The following NOTCH3 variants were observed in gnomAD, a reference collection of about 807,000 sequenced individuals.
The protein encoded by NOTCH3 is neurogenic locus notch homolog protein 3.
Under a neutral mutation model 213.3 loss-of-function variants are expected in NOTCH3, and 86 were observed. That is an observed-to-expected ratio of 0.40 (90% confidence interval 0.34 to 0.48). The LOEUF (loss-of-function observed/expected upper bound fraction) is 0.48, where lower values mean the gene tolerates loss of function less well. Ranked by LOEUF, NOTCH3 falls within the 20% of genes least tolerant of loss-of-function variation. The pLI, the probability that NOTCH3 is intolerant of heterozygous loss-of-function variation, is 0.57. For missense variants in NOTCH3, 2,783 were observed against 3,272.6 expected (o/e 0.85, Z 3.65); for synonymous variants, 1,354 against 1,355.9 (o/e 1.00, Z 0.03).
chr19:15,173,804 G>A (rs1004480592), intron 25 of NOTCH3, among the ~76,000 whole-genome samples: 32 of 146,868 alleles, frequency 2.2e-4, no homozygotes, highest in East Asian at 8.0e-4. Flanking sequence ...AGAAGAAGAA[G>A]AAAAAAACCC....
intron 25 of NOTCH3, among the ~76,000 whole-genome samples, chr19:15,171,756 C>T (rs1038263105): frequency 2.6e-5 from 4 of 152,188 alleles, no homozygotes; most frequent in East Asian, 3.9e-4. Context: ...CTGCAACCTC[C>T]GACTCCCTGG....
At chr19:15,199,724 G>A (rs1306064519) in intron 1 of NOTCH3, among the ~76,000 whole-genome samples, 1 of 152,190 alleles carries the variant, frequency 6.6e-6, no homozygotes, top group Non-Finnish European at 1.5e-5. Flanking sequence ...CTGGTCCGGC[G>A]GAGGCGGCGG....
intron 28 of NOTCH3, among the ~76,000 whole-genome samples, chr19:15,169,461 C>T (rs1301771216): frequency 6.6e-6 from 1 of 151,184 alleles, no homozygotes; most frequent in Non-Finnish European, 1.5e-5. Context: ...GTCTGGAGTG[C>T]CAGGTTCAAG....
intron 15 of NOTCH3, 125 bp from the exon 16 acceptor site, chr19:15,184,575 C>T (rs2145428147): frequency 4.4e-6 from 4 of 902,824 alleles, no homozygotes; most frequent in Non-Finnish European, 5.2e-6. Context: ...TGCTGTCATT[C>T]GTGTCTGGGC....
chr19:15,189,258 T>C lies in NOTCH3; in HGVS notation c.1192+15A>G, dbSNP rs10423702. 0.87 allele frequency: 1,408,350 copies of C among 1,613,816 alleles called. 615,930 individuals are homozygous for C. The highest frequency in any genetic ancestry group is 0.91 in the African/African-American group (68,101 of 75,054). On this transcript the variant is annotated intron_variant, in intron 7 of 32. Transcript: ENST00000263388. Reference sequence around the variant, plus strand: ...TCTTTCCCAGCCCATTCACAGACGATGGAGCTCCCCTCACCGATAGAGCAC... The same window carrying C: ...TCTTTCCCAGCCCATTCACAGACGACGGAGCTCCCCTCACCGATAGAGCAC...
chr19:15,178,656 A>T lies in NOTCH3; in HGVS notation c.3837+167T>A, dbSNP rs1599379589. 4.5e-6 allele frequency: 3 copies of T among 667,212 alleles called. No individual in the cohort carries two copies. The East Asian group carries it at 8.2e-5, about 18-fold the overall frequency. The allele number at this position is 667,212 out of a possible 1,614,324, so 41.3% of individuals were successfully genotyped here. On this transcript the variant is annotated intron_variant, in intron 23 of 32. Transcript: ENST00000263388. The stretch of plus-strand genomic sequence containing the variant: ...CGCCTCGGCCTCCCAATGTGCTGGG[A>T]TTACAGGTGTGAGCTACCACACCCG...
chr19:15,175,954 G>A (rs1479292618), intron 24 of NOTCH3, among the ~76,000 whole-genome samples: 1 of 151,390 alleles, frequency 6.6e-6, no homozygotes, highest in Non-Finnish European at 1.5e-5. Context: ...GTACGCAGAG[G>A]ACAGAAGGGG....
chr19:15,181,710 G>C lies in NOTCH3; in HGVS notation c.2658C>G (p.Arg886=), dbSNP rs761687869. ...LPGFAGPRCA[R]DVDECLSNPC... ...GGTTGCTCAGGCACTCATCCACATC[G>C]CGGGCGCATCGTGGGCCGGCGAAAC... The change falls in exon 17 of 33, where the codon CGC becomes CGG. Residue 886 remains arginine (R), a synonymous_variant. Transcript: ENST00000263388. The C allele has an allele frequency of 6.4e-7, 1 of 1,568,044 alleles. No individual in the cohort carries two copies. The highest frequency in any genetic ancestry group is 1.2e-5 in the South Asian group (1 of 85,426).
rs757833014 is a variant in NOTCH3 at position 15,184,299 on chromosome 19, G to T, written c.2562C>A (p.Asp854Glu). The change falls in exon 16 of 33, where the codon GAC (aspartate) becomes GAA (glutamate). Residue 854 changes from aspartate to glutamate, a missense_variant. Asp to Glu is a conservative substitution (Grantham distance 45). This residue lies in a region of NOTCH3 where 861 missense variants were observed against 909.1 expected (regional missense o/e 0.95). Coordinates refer to ENST00000263388, the MANE Select transcript of NOTCH3 (RefSeq NM_000435.3). ...PSCDQDINDC[D>E]PNPCLNGGSC... ...CAAGAGCTCCCCTGCACTCACTGGG[G>T]TCACAGTCATTGATGTCCTGATCGC... The T allele has an allele frequency of 1.9e-6, 3 of 1,613,902 alleles. No individual in the cohort carries two copies. Among genetic ancestry groups the T allele is most frequent in the South Asian group, 2.2e-5 (2 of 91,088 alleles).
At chr19:15,177,418 A>G (rs879003777) in intron 24 of NOTCH3, 107 bp downstream of exon 24, 12 of 1,033,214 alleles carry the variant, frequency 1.2e-5, no homozygotes, top group East Asian at 5.2e-5. Flanking sequence ...GCACAGAGAA[A>G]CAGACGGGGC....
intron 31 of NOTCH3, among the ~76,000 whole-genome samples, chr19:15,164,243 TGTTTTTA>T (rs1271309201): frequency 4.5e-5 from 4 of 88,892 alleles, no homozygotes; most frequent in Non-Finnish European, 9.7e-5. Flanking sequence ...TTTTGTTTTT[TGTTTTTA>T]AAAAAAAGGA....
Position 15,200,774 on chromosome 19 carries a change from TC to T in NOTCH3, c.118+13del. The T allele has an allele frequency of 7.8e-7, 1 of 1,288,554 alleles. No homozygotes were observed. Among genetic ancestry groups the T allele is most frequent in the Non-Finnish European group, 9.9e-7 (1 of 1,012,672 alleles). 79.8% of individuals were successfully genotyped at this position (1,288,554 alleles called of 1,614,324 possible). The stretch of plus-strand genomic sequence containing the variant: ...TGCCGCCCTCGTCCCATCCGCCAGG[TC>T]CCGGCCCCTCACCTGCAGCCCCCGG... On this transcript the variant is annotated intron_variant, in intron 1 of 32. Coordinates refer to ENST00000263388, the MANE Select transcript of NOTCH3 (RefSeq NM_000435.3).
intron 8 of NOTCH3, 29 bp from the exon 9 acceptor site, chr19:15,188,377 C>T (rs757299857): frequency 4.9e-6 from 7 of 1,428,824 alleles, no homozygotes; most frequent in African/African-American, 2.8e-5. Context: ...CTTAGGAAAG[C>T]GGGGGCTACC....
Position 15,187,231 on chromosome 19 carries a change from G to A in NOTCH3, c.1714C>T (p.Pro572Ser). Residue 572 changes from proline to serine, a missense_variant, in exon 11 of 33, where the codon CCT (proline) becomes TCT (serine). Transcript: ENST00000263388. ...GIASFSCACAPGYTGTRCESQ... is the reference protein window; with the variant it reads ...GIASFSCACASGYTGTRCESQ... Reference sequence around the variant, plus strand: ...TCGCAGCGTGTGCCCGTGTAGCCAGGAGCACAGGCACATGAGAAGCTGGCG... The same window carrying A: ...TCGCAGCGTGTGCCCGTGTAGCCAGAAGCACAGGCACATGAGAAGCTGGCG... 1.2e-6 allele frequency: 2 copies of A among 1,614,150 alleles called. No homozygotes were observed. Among genetic ancestry groups the A allele is most frequent in the Admixed American group, 1.7e-5 (1 of 60,030 alleles).
At position 15,174,006 on chromosome 19, in the gene NOTCH3, C is replaced by A; in HGVS notation, c.4736+62G>T. The A allele has an allele frequency of 2.9e-6, 4 of 1,373,002 alleles. No individual in the cohort carries two copies. In the South Asian group the frequency reaches 5.5e-5, roughly 19 times the overall value. The allele number at this position is 1,373,002 out of a possible 1,614,324, so 85.1% of individuals were successfully genotyped here. On this transcript the variant is annotated intron_variant, in intron 25 of 32. Transcript: ENST00000263388. ...TTAAGTGAAATGAAACACACAAGAC[C>A]TGGATCAACAGCATCTCTCCTCTCC...
Position 15,165,480 on chromosome 19 carries a change from G to T in NOTCH3, c.5703C>A (p.Ala1901=). The T allele has an allele frequency of 1.2e-6, 2 of 1,612,910 alleles. No individual in the cohort carries two copies. Among genetic ancestry groups the T allele is most frequent in the Non-Finnish European group, 1.7e-6 (2 of 1,180,008 alleles). The stretch of plus-strand genomic sequence containing the variant: ...GTGCCGTTGAGCCATCTGCCATGCG[G>T]GCATCCAAGTCTGTAGAGCGGTTTC... ...LIRNRSTDLD[A]RMADGSTALI... Residue 1901 remains alanine, a synonymous_variant, in exon 31 of 33, where the codon GCC becomes GCA. Transcript: ENST00000263388. This position sits in a 1 kb window ranked among gnomAD's most constrained non-coding sequence, Gnocchi z 4.7.
At chr19:15,178,214 A>C in intron 23 of NOTCH3, 124 bp from the exon 24 acceptor site, 1 of 615,226 alleles carries the variant, frequency 1.6e-6, no homozygotes, top group African/African-American at 1.9e-5. Flanking sequence ...AGAAGAGGTC[A>C]AGACTAAGGA....
At chr19:15,162,615 C>T in intron 31 of NOTCH3, 53 bp from the exon 32 acceptor site, 1 of 1,430,572 alleles carries the variant, frequency 7.0e-7, no homozygotes, top group Non-Finnish European at 9.8e-7. Context: ...CTGGGGCCCC[C>T]ATGTCAGGGA....
At chr19:15,166,525 G>A (rs62113793) in intron 29 of NOTCH3, among the ~76,000 whole-genome samples, 137,026 of 151,998 alleles carry the variant, frequency 0.9, 62,090 homozygotes, top group African/African-American at 0.98. Flanking sequence ...GAAAAAAAGA[G>A]CTGCCCCCAG....
Sources: gnomAD v4.1 joint callset for allele counts (sites outside exome capture counted in the v4.1 genomes callset) on GRCh38, gnomAD v4.1.1 for gene constraint, gnomAD v4.1.1 regional missense constraint, Gnocchi (gnomAD v3.1) non-coding constraint, MANE v1.5 for transcripts, NCBI Gene and HGNC (gene_info 2026-07-23, HGNC 2026-07-21) for gene names.